ZRANB3: variants seen among roughly 807,000 people sequenced by gnomAD.
ZRANB3 encodes zinc finger RANBP2-type containing 3.
ZRANB3 carries 125 observed loss-of-function variants against 133.8 expected under a neutral mutation model. That is an observed-to-expected ratio of 0.93 (90% CI 0.81 to 1.08). The LOEUF (loss-of-function observed/expected upper bound fraction) is 1.08, where lower values mean the gene tolerates loss of function less well. ZRANB3 is among the 50% of genes least tolerant of loss of function. ZRANB3 has a pLI of 0.00. For synonymous variants in ZRANB3, 387 were observed against 432.7 expected (o/e 0.89, Z 1.31); for missense variants, 1,229 against 1,275.5 (o/e 0.96, Z 0.56).
At chr2:135,405,012 G>T (rs1214517588) in intron 2 of ZRANB3, among the ~76,000 whole-genome samples, 1 of 152,118 alleles carries the variant, frequency 6.6e-6, no homozygotes, top group Non-Finnish European at 1.5e-5. Flanking sequence ...CCAATTAAAA[G>T]ACACAGACTG....
rs919377350 is a variant in ZRANB3 at position 135,199,970 on chromosome 2, G to A, written c.*372C>T. ...TTTGCAATGTTCCACTCATACCTAT[G>A]ACAGTCCAGAACAATACTAATCCAG... On this transcript the variant is annotated 3_prime_UTR_variant, in exon 21 of 21. Coordinates refer to ENST00000264159, the MANE Select transcript of ZRANB3 (RefSeq NM_032143.4). 13 of 280,008 alleles carry A rather than the reference G, an allele frequency of 4.6e-5. No homozygotes were observed. The highest frequency in any genetic ancestry group is 1.4e-5 in the Non-Finnish European group (2 of 143,848). 17.3% of individuals were successfully genotyped at this position (280,008 alleles called of 1,614,324 possible).
intron 1 of ZRANB3, among the ~76,000 whole-genome samples, chr2:135,526,233 G>A (rs184499936): frequency 2.1e-5 from 3 of 141,474 alleles, no homozygotes; most frequent in South Asian, 2.2e-4. Context: ...GCACTATCTC[G>A]GCTCACCGCA....
chr2:135,264,336 G>C (rs1680114224), intron 12 of ZRANB3, among the ~76,000 whole-genome samples: 1 of 151,514 alleles, frequency 6.6e-6, no homozygotes, highest in Non-Finnish European at 1.5e-5. Context: ...GTCAGGCATG[G>C]TGGTGGGCAC....
intron 6 of ZRANB3, among the ~76,000 whole-genome samples, chr2:135,338,187 C>A (rs577634516): frequency 1.1e-4 from 17 of 152,192 alleles, no homozygotes; most frequent in Non-Finnish European, 2.2e-4. Context: ...ACAAAAAAAA[C>A]CCAGATCCAG....
intron 2 of ZRANB3, among the ~76,000 whole-genome samples, chr2:135,499,207 C>T (rs58997971): frequency 0.044 from 6,728 of 152,160 alleles, 497 homozygotes; most frequent in African/African-American, 0.15. Context: ...CTCAGGCCAG[C>T]CGACACTTAG....
chr2:135,382,174 G>C (rs1017763193), intron 3 of ZRANB3, among the ~76,000 whole-genome samples: 1 of 152,300 alleles, frequency 6.6e-6, no homozygotes, highest in Non-Finnish European at 1.5e-5. Context: ...GAAAACCATG[G>C]CACGAGAACT....
intron 1 of ZRANB3, chr2:135,510,676 C>T (rs1048263436): frequency 1.4e-5 from 11 of 789,554 alleles, no homozygotes; most frequent in African/African-American, 6.8e-5. Context: ...GCGATCATCT[C>T]GTCAGTCCCC....
chr2:135,285,452 A>G (rs1348568412), intron 8 of ZRANB3, among the ~76,000 whole-genome samples: 1 of 152,120 alleles, frequency 6.6e-6, no homozygotes, highest in African/African-American at 2.4e-5. Flanking sequence ...AAGAAGAAGC[A>G]CTCTTCAGTC....
At chr2:135,431,047 G>A (rs1013899996) in intron 2 of ZRANB3, among the ~76,000 whole-genome samples, 1 of 151,890 alleles carries the variant, frequency 6.6e-6, no homozygotes, top group Non-Finnish European at 1.5e-5. Flanking sequence ...GGCTGAGGCA[G>A]GAGGACTGCT....
At chr2:135,310,929 GAT>G (rs1183627854) in intron 8 of ZRANB3, among the ~76,000 whole-genome samples, 5 of 149,298 alleles carry the variant, frequency 3.3e-5, no homozygotes, top group Admixed American at 2.0e-4. Context: ...TGTGAACTTA[GAT>G]TAGGCAAAAA....
At chr2:135,524,055 G>A (rs1404223466) in intron 1 of ZRANB3, among the ~76,000 whole-genome samples, 1 of 151,986 alleles carries the variant, frequency 6.6e-6, no homozygotes, top group Non-Finnish European at 1.5e-5. Flanking sequence ...AATAAGATGG[G>A]CTTTTAAATT....
chr2:135,410,916 C>A (rs577070640), intron 2 of ZRANB3, among the ~76,000 whole-genome samples: 1 of 152,138 alleles, frequency 6.6e-6, no homozygotes, highest in Non-Finnish European at 1.5e-5. Context: ...GATACCATCT[C>A]ACACCAGTCA....
chr2:135,371,795 C>T (rs1686192495), intron 3 of ZRANB3, among the ~76,000 whole-genome samples: 1 of 152,018 alleles, frequency 6.6e-6, no homozygotes, highest in South Asian at 2.1e-4. Flanking sequence ...AATCTCTAAC[C>T]CTGAATGTAT....
intron 12 of ZRANB3, among the ~76,000 whole-genome samples, chr2:135,265,031 G>A (rs1381738810): frequency 1.3e-5 from 2 of 152,140 alleles, no homozygotes; most frequent in Non-Finnish European, 2.9e-5. Flanking sequence ...TTACAGGTGT[G>A]AGCCACCATG....
At chr2:135,425,685 G>GC (rs2104974231) in intron 2 of ZRANB3, among the ~76,000 whole-genome samples, 1 of 152,226 alleles carries the variant, frequency 6.6e-6, no homozygotes, top group South Asian at 2.1e-4. Context: ...CTGGAATCCA[G>GC]CTAAAGCAGT....
At chr2:135,354,056 A>G (rs1685326141) in intron 3 of ZRANB3, among the ~76,000 whole-genome samples, 1 of 152,194 alleles carries the variant, frequency 6.6e-6, no homozygotes, top group Non-Finnish European at 1.5e-5. Flanking sequence ...TGGATTATAC[A>G]GTTAATAAAA....
intron 2 of ZRANB3, among the ~76,000 whole-genome samples, chr2:135,483,251 C>A (rs1293549026): frequency 6.6e-6 from 1 of 152,072 alleles, no homozygotes; most frequent in East Asian, 1.9e-4. Context: ...TGGTCCTGGA[C>A]TCTTTTTGGT....
rs780972496 is a variant in ZRANB3 at position 135,207,648 on chromosome 2, T to A, written c.2795A>T (p.Asp932Val). 6.2e-7 allele frequency: 1 copy of A among 1,613,992 alleles called. No homozygotes were observed. The highest frequency in any genetic ancestry group is 1.1e-5 in the South Asian group (1 of 91,080). ...TKQACKANSWDSRFCSLKCQE... is the reference protein window; with the variant it reads ...TKQACKANSWVSRFCSLKCQE... ...ACATTTCAGAGAGCAAAACCGTGAATCCCAAGAGTTCGCTTTACATGCTTG... is the reference window on the plus strand; with the variant it reads ...ACATTTCAGAGAGCAAAACCGTGAAACCCAAGAGTTCGCTTTACATGCTTG... The change falls in exon 19 of 21, where the codon GAT (aspartate) becomes GTT (valine). Residue 932 changes from aspartate to valine, a missense_variant. Transcript: ENST00000264159.
intron 2 of ZRANB3, among the ~76,000 whole-genome samples, chr2:135,485,144 C>CAAACAAAACAAAACA (rs377465491): frequency 6.7e-6 from 1 of 148,742 alleles, no homozygotes; most frequent in Non-Finnish European, 1.5e-5. Flanking sequence ...CAAAACAAAA[C>CAAACAAAACAAAACA]AAACAAAACA....
Sources: gnomAD v4.1 joint callset for allele counts (sites outside exome capture counted in the v4.1 genomes callset) on GRCh38, gnomAD v4.1.1 for gene constraint, MANE v1.5 for transcripts, NCBI Gene and HGNC (gene_info 2026-07-23, HGNC 2026-07-21) for gene names.